The following FARS2 variants were observed in gnomAD, a reference collection of about 807,000 sequenced individuals.
FARS2 encodes phenylalanine--tRNA ligase, mitochondrial.
FARS2 carries 40 observed loss-of-function variants against 46.4 expected under a neutral mutation model. That is an observed-to-expected ratio of 0.86 (90% CI 0.67 to 1.12). The LOEUF is 1.12. Ranked by LOEUF, FARS2 falls within the 50% of genes most tolerant of loss-of-function variation. The probability of loss-of-function intolerance (pLI) is 0.00; values close to 1 mark genes in which losing one functional copy is unlikely to be tolerated. For synonymous variants in FARS2, 234 were observed against 214.9 expected, an observed-to-expected ratio of 1.09 and a Z score of -0.78; for missense variants, 513 against 567.9, an observed-to-expected ratio of 0.90 and a Z score of 0.98.
At chr6:5,514,180 C>T (rs1242062529) in intron 4 of FARS2, among the ~76,000 whole-genome samples, 2 of 152,062 alleles carry the variant, frequency 1.3e-5, no homozygotes, top group African/African-American at 2.4e-5. Flanking sequence ...TACAGATTCA[C>T]AAATATGCAG....
the FARS2 span, among the ~76,000 whole-genome samples, chr6:5,252,562 A>C: frequency 0.29 from 43,569 of 152,096 alleles, 7,855 homozygotes; most frequent in African/African-American, 0.51. Flanking sequence ...TGGCTGACAC[A>C]GACTGTTGCC....
intron 6 of FARS2, among the ~76,000 whole-genome samples, chr6:5,633,896 C>T (rs1472660741): frequency 6.6e-6 from 1 of 152,118 alleles, no homozygotes; most frequent in African/African-American, 2.4e-5. Flanking sequence ...ATTATATACC[C>T]AAAATACTAG....
intron 6 of FARS2, among the ~76,000 whole-genome samples, chr6:5,701,320 C>T (rs1489032960): frequency 1.3e-5 from 2 of 152,258 alleles, no homozygotes; most frequent in Non-Finnish European, 2.9e-5. Flanking sequence ...CTGCCTGAGC[C>T]ACCGTAAATC....
chr6:5,332,895 G>A (rs554509846), intron 1 of FARS2, among the ~76,000 whole-genome samples: 33 of 152,310 alleles, frequency 2.2e-4, no homozygotes, highest in Middle Eastern at 3.4e-3. Context: ...GAGTAGAGAA[G>A]AGTGGATACT....
At chr6:5,282,546 G>A (rs1389634583) in intron 1 of FARS2, among the ~76,000 whole-genome samples, 1 of 152,146 alleles carries the variant, frequency 6.6e-6, no homozygotes, top group African/African-American at 2.4e-5. Context: ...AGGGTTAGTG[G>A]TAGGGAAAAA....
intron 4 of FARS2, among the ~76,000 whole-genome samples, chr6:5,512,656 A>G (rs1197569798): frequency 6.6e-6 from 1 of 152,072 alleles, no homozygotes; most frequent in Non-Finnish European, 1.5e-5. Flanking sequence ...CGAGATTCAA[A>G]TGTGATAAAG....
chr6:5,379,579 G>A (rs1759619943), intron 2 of FARS2, among the ~76,000 whole-genome samples: 1 of 152,182 alleles, frequency 6.6e-6, no homozygotes, highest in South Asian at 2.1e-4. Context: ...TGGCTCAGAA[G>A]TGCTAGTAGT....
chr6:5,678,579 A>G (rs1317617171), intron 6 of FARS2, among the ~76,000 whole-genome samples: 1 of 152,118 alleles, frequency 6.6e-6, no homozygotes, highest in Non-Finnish European at 1.5e-5. Flanking sequence ...TAAGTAAATA[A>G]TCTCTCAGGG....
chr6:5,581,301 A>G (rs187142324), intron 5 of FARS2, among the ~76,000 whole-genome samples: 1 of 152,356 alleles, frequency 6.6e-6, no homozygotes, highest in Admixed American at 6.5e-5. Context: ...AAAGGAAGTT[A>G]AAAACAAAAC....
chr6:5,492,194 A>G (rs1414079596), intron 4 of FARS2, among the ~76,000 whole-genome samples: 1 of 152,246 alleles, frequency 6.6e-6, no homozygotes, highest in African/African-American at 2.4e-5. Flanking sequence ...TTAAGTTTCA[A>G]CTACCAAACA....
At chr6:5,465,501 A>AC (rs1458209628) in intron 4 of FARS2, among the ~76,000 whole-genome samples, 2 of 152,208 alleles carry the variant, frequency 1.3e-5, no homozygotes, top group East Asian at 3.8e-4. Flanking sequence ...CCAGCTCAGC[A>AC]CCTTGCTTCA....
At chr6:5,432,527 A>ATAT (rs1554184676) in intron 4 of FARS2, among the ~76,000 whole-genome samples, 5,345 of 49,318 alleles carry the variant, frequency 0.11, 495 homozygotes, top group African/African-American at 0.32. Context: ...ATATATATAT[A>ATAT]TTTTTTTTTT....
Position 5,727,838 on chromosome 6 carries a change from G to A in FARS2, c.1218-43453G>A, listed in dbSNP as rs1389213831. Among the ~76,000 whole-genome samples the A allele has an allele frequency of 1.3e-5, 2 of 152,174 alleles. No individual in the cohort carries two copies. Among genetic ancestry groups the A allele is most frequent in the South Asian group, 4.1e-4 (2 of 4,822 alleles). ...TCCCCAGCACTTGGATATGTAATGC[G>A]AGGGATACCAACAGACTGATTTCTA... On this transcript the variant is annotated intron_variant, in intron 6 of 6. Transcript: ENST00000274680. This position sits in a 1 kb window ranked among gnomAD's most constrained non-coding sequence, Gnocchi z 4.1.
At chr6:5,600,599 G>A (rs112388125) in intron 5 of FARS2, among the ~76,000 whole-genome samples, 1 of 152,140 alleles carries the variant, frequency 6.6e-6, no homozygotes. Context: ...CAAACATTTC[G>A]ATGGAAAACA....
Position 5,537,685 on chromosome 6 carries a change from C to T in FARS2, c.905-7495C>T, listed in dbSNP as rs114981395. Among the ~76,000 whole-genome samples the T allele has an allele frequency of 7.0e-3, 1,070 of 152,244 alleles. 15 individuals carry two copies. The highest frequency in any genetic ancestry group is 0.024 in the African/African-American group (999 of 41,470). On this transcript the variant is annotated intron_variant, in intron 4 of 6. Transcript: ENST00000274680. Reference sequence around the variant, plus strand: ...GCAGAAGCACTGTGCTTTGGGCTTTCCTTTGCAAATGCTTCCCTCTCTGAC... The same window carrying T: ...GCAGAAGCACTGTGCTTTGGGCTTTTCTTTGCAAATGCTTCCCTCTCTGAC...
rs374011204 is a variant in FARS2, at chr6:5,762,586, C to T, written c.1218-8705C>T. Among the ~76,000 whole-genome samples the T allele has an allele frequency of 2.8e-4, 43 of 152,286 alleles. No individual in the cohort carries two copies. In the East Asian group the frequency reaches 5.2e-3, roughly 18 times the overall value. On this transcript the variant is annotated intron_variant, in intron 6 of 6. Transcript: ENST00000274680. ...TTTTGAAACATCCCTGAGGACTTGG[C>T]GAGTATTTGATGTTAAAAAGCATTT... is the stretch of plus-strand genomic sequence containing the variant.
intron 5 of FARS2, chr6:5,609,480 T>C: frequency 8.2e-7 from 1 of 1,218,928 alleles, no homozygotes; most frequent in East Asian, 2.3e-5. Flanking sequence ...CCTGCCACCA[T>C]ATCCACCACC....
upstream of FARS2, chr6:5,260,768 G>A: frequency 2.0e-6 from 3 of 1,538,186 alleles, no homozygotes; most frequent in Non-Finnish European, 2.6e-6. Flanking sequence ...GGTCCTCTTC[G>A]CCGAGGTCCC....
intron 6 of FARS2, among the ~76,000 whole-genome samples, chr6:5,716,737 A>G (rs1759513823): frequency 6.6e-6 from 1 of 152,222 alleles, no homozygotes; most frequent in African/African-American, 2.4e-5. Flanking sequence ...ACTCAGAAAC[A>G]TGTACCAACA....
Sources: allele counts gnomAD v4.1 joint callset (sites outside exome capture counted in the v4.1 genomes callset), GRCh38; gene constraint gnomAD v4.1.1; non-coding constraint Gnocchi (gnomAD v3.1); transcripts MANE v1.5; gene names NCBI Gene and HGNC (gene_info 2026-07-23, HGNC 2026-07-21).